PLCG2: variants seen among roughly 807,000 people sequenced by gnomAD.
PLCG2 encodes the protein 1-phosphatidylinositol 4,5-bisphosphate phosphodiesterase gamma-2.
A neutral mutation model predicts 175.6 loss-of-function variants in PLCG2; 69 were observed. That is an observed-to-expected ratio of 0.39 (90% CI 0.32 to 0.48). The LOEUF (loss-of-function observed/expected upper bound fraction) is 0.48, where lower values mean the gene tolerates loss of function less well. Ranked by LOEUF, PLCG2 falls within the 20% of genes least tolerant of loss-of-function variation. The pLI is 0.91. For synonymous variants in PLCG2, 827 were observed against 624.0 expected, an observed-to-expected ratio of 1.33 and a Z score of -4.85; for missense variants, 1,798 against 1,650.9, an observed-to-expected ratio of 1.09 and a Z score of -1.54.
chr16:81,933,854 A>AT (rs2143719620), intron 25 of PLCG2, among the ~76,000 whole-genome samples: 1 of 152,334 alleles, frequency 6.6e-6, no homozygotes, highest in South Asian at 2.1e-4. Context: ...TCATCCTTAC[A>AT]TGCAAGGAGT....
chr16:81,910,456 G>A (rs1331117157), intron 17 of PLCG2, 64 bp from the exon 18 acceptor site: 1 of 1,443,498 alleles, frequency 6.9e-7, no homozygotes, highest in Non-Finnish European at 9.7e-7. Context: ...CGCCTCTGAG[G>A]CCCTGGCTGC....
chr16:81,916,791 C>T (rs1036573834), intron 19 of PLCG2, among the ~76,000 whole-genome samples: 1 of 152,124 alleles, frequency 6.6e-6, no homozygotes, highest in Non-Finnish European at 1.5e-5. Flanking sequence ...GCATGCACCA[C>T]CATGCCTGGC....
chr16:81,845,271 C>G (rs1245540810), intron 2 of PLCG2, among the ~76,000 whole-genome samples: 1 of 152,168 alleles, frequency 6.6e-6, no homozygotes, highest in Non-Finnish European at 1.5e-5. Context: ...TATATGTGTC[C>G]AGCTTGATTC....
intron 9 of PLCG2, among the ~76,000 whole-genome samples, chr16:81,884,291 C>T (rs1908243037): frequency 6.6e-6 from 1 of 151,946 alleles, no homozygotes; most frequent in African/African-American, 2.4e-5. Context: ...GTAGAGGTTG[C>T]AGTGAGCCGA....
chr16:81,939,034 C>G, intron 29 of PLCG2, 119 bp downstream of exon 29: 1 of 649,374 alleles, frequency 1.5e-6, no homozygotes, highest in Non-Finnish European at 2.8e-6. Flanking sequence ...TTTCTTTCCT[C>G]CCTCTTGCCC....
At chr16:81,922,447 A>T (rs1427747700) in intron 21 of PLCG2, among the ~76,000 whole-genome samples, 1 of 152,260 alleles carries the variant, frequency 6.6e-6, no homozygotes, top group Non-Finnish European at 1.5e-5. Flanking sequence ...CTTTAGCGAT[A>T]CTATAGTTAG....
intron 2 of PLCG2, among the ~76,000 whole-genome samples, chr16:81,851,507 T>TTTGTTG (rs898563784): frequency 2.6e-5 from 4 of 151,856 alleles, no homozygotes; most frequent in South Asian, 4.2e-4. Context: ...ACATGGCCTT[T>TTTGTTG]TTGTTGTTGT....
At chr16:81,803,131 TTTTG>T (rs1203611668) in intron 2 of PLCG2, among the ~76,000 whole-genome samples, 16 of 139,336 alleles carry the variant, frequency 1.1e-4, no homozygotes, top group East Asian at 3.2e-4. Flanking sequence ...TTTTTTTTTT[TTTTG>T]TGAGACGGAA....
chr16:81,858,248 C>A lies in PLCG2; in HGVS notation c.338-15C>A, dbSNP rs1205713472. The A allele has an allele frequency of 6.3e-7, 1 of 1,578,716 alleles. No individual in the cohort carries two copies. The highest frequency in any genetic ancestry group is 1.1e-5 in the South Asian group (1 of 90,416). On this transcript the variant is annotated splice_polypyrimidine_tract_variant and intron_variant, in intron 3 of 32. Transcript: ENST00000564138. ...GGAATTAACACAGCATTTCTGTTCC[C>A]TTTCTCCACTCCAGCTGACTCTAAA... is the stretch of plus-strand genomic sequence containing the variant.
upstream of PLCG2, among the ~76,000 whole-genome samples, chr16:81,778,079 C>CAAA (rs1567458056): frequency 1.1e-3 from 101 of 96,124 alleles, 2 homozygotes; most frequent in South Asian, 3.1e-3. Context: ...AACACACACA[C>CAAA]ACAAAAAAAA....
intron 7 of PLCG2, among the ~76,000 whole-genome samples, chr16:81,874,948 G>GTTTTTTTTTTTTTTTGTTC (rs1907696315): frequency 4.9e-5 from 2 of 40,768 alleles, no homozygotes; most frequent in African/African-American, 7.8e-5. Context: ...TATCCTATGT[G>GTTTTTTTTTTTTTTTGTTC]TTTTTTTTTT....
upstream of PLCG2, among the ~76,000 whole-genome samples, chr16:81,776,974 G>T (rs940024052): frequency 6.6e-6 from 1 of 152,114 alleles, no homozygotes; most frequent in Non-Finnish European, 1.5e-5. Flanking sequence ...GTTGGGCTAG[G>T]GGTTGGTTAG....
At chr16:81,761,725 A>C (rs1910045320) in intron 2 of PLCG2, among the ~76,000 whole-genome samples, 1 of 151,886 alleles carries the variant, frequency 6.6e-6, no homozygotes, top group Non-Finnish European at 1.5e-5. Context: ...TGCTCTTCTC[A>C]TTTTTCCAAT....
chr16:81,869,429 T>C, intron 6 of PLCG2, 131 bp downstream of exon 6: 1 of 682,312 alleles, frequency 1.5e-6, no homozygotes, highest in South Asian at 1.7e-5. Context: ...GAGTACATCT[T>C]AGTTCAGACA....
chr16:81,874,953 T>TTTGTTC (rs779252843), intron 7 of PLCG2, among the ~76,000 whole-genome samples: 13 of 122,954 alleles, frequency 1.1e-4, no homozygotes, highest in Admixed American at 1.7e-4. Flanking sequence ...TATGTGTTTT[T>TTTGTTC]TTTTTTTTTT....
Position 81,960,726 on chromosome 16 carries a change from A to G in PLCG2, c.*2728A>G, listed in dbSNP as rs1911750172. 1 of 229,112 alleles carries G rather than the reference A, an allele frequency of 4.4e-6. No homozygotes were observed. The highest frequency in any genetic ancestry group is 8.7e-6 in the Non-Finnish European group (1 of 115,434). 14.2% of individuals were successfully genotyped at this position (229,112 alleles called of 1,614,324 possible). A position where few individuals can be genotyped will look rare whatever the true frequency, so the allele number is the denominator to read the frequency against. ...AGGCAGCCGGACAACATGTTCTAAT[A>G]CTTCGTATGCTTTGTGACCTAGTTA... is the stretch of plus-strand genomic sequence containing the variant. On this transcript the variant is annotated 3_prime_UTR_variant, in exon 33 of 33. Transcript: ENST00000564138.
intron 2 of PLCG2, among the ~76,000 whole-genome samples, chr16:81,760,797 G>T (rs1285189046): frequency 6.6e-6 from 1 of 151,350 alleles, no homozygotes; most frequent in Admixed American, 6.6e-5. Context: ...GAGCATGGTG[G>T]CAAGTACCTA....
intron 22 of PLCG2, among the ~76,000 whole-genome samples, chr16:81,926,269 T>C (rs1910270704): frequency 6.6e-6 from 1 of 152,168 alleles, no homozygotes; most frequent in African/African-American, 2.4e-5. Flanking sequence ...GAGTCTGGGC[T>C]GGATTCTGGA....
At chr16:81,886,030 C>G (rs932744229) in intron 9 of PLCG2, among the ~76,000 whole-genome samples, 3 of 152,182 alleles carry the variant, frequency 2.0e-5, no homozygotes, top group Non-Finnish European at 4.4e-5. Context: ...GAGAGAAATT[C>G]ATGCACTTTT....
Sources: gnomAD v4.1 joint callset for allele counts (sites outside exome capture counted in the v4.1 genomes callset) on GRCh38, gnomAD v4.1.1 for gene constraint, MANE v1.5 for transcripts, NCBI Gene and HGNC (gene_info 2026-07-23, HGNC 2026-07-21) for gene names.